Variants in BBOX1 observed in about 807,000 individuals in gnomAD.
The protein encoded by BBOX1 is gamma-butyrobetaine hydroxylase 1, also known as gamma-butyrobetaine dioxygenase.
BBOX1 carries 35 observed loss-of-function variants against 41.6 expected under a neutral mutation model. The ratio of observed to expected loss-of-function variants is 0.84; its 90% CI spans 0.64 to 1.11. The LOEUF is 1.11. BBOX1 is among the 50% of genes most tolerant of loss of function. The pLI is 0.00. For missense variants in BBOX1, 458 were observed against 460.6 expected, an observed-to-expected ratio of 0.99 and a Z score of 0.05; for synonymous variants, 163 against 154.7, an observed-to-expected ratio of 1.05 and a Z score of -0.40.
chr11:27,050,487 G>C (rs967713035), intron 2 of BBOX1, among the ~76,000 whole-genome samples: 3 of 152,106 alleles, frequency 2.0e-5, no homozygotes, highest in African/African-American at 7.2e-5. Flanking sequence ...CAAGAACACA[G>C]AGTATTGTTC....
intron 2 of BBOX1, among the ~76,000 whole-genome samples, chr11:27,049,002 G>T (rs1302370957): frequency 2.0e-5 from 3 of 148,824 alleles, no homozygotes; most frequent in African/African-American, 7.5e-5. Flanking sequence ...GCGGTGTTTG[G>T]TTTTTTGTTC....
chr11:27,065,094 A>T (rs1337208440), intron 4 of BBOX1, among the ~76,000 whole-genome samples: 1 of 152,134 alleles, frequency 6.6e-6, no homozygotes, highest in African/African-American at 2.4e-5. Context: ...TTCCCATTTA[A>T]AACTATAAAT....
intron 4 of BBOX1, among the ~76,000 whole-genome samples, chr11:27,091,471 T>C (rs1391223070): frequency 1.3e-5 from 2 of 151,898 alleles, no homozygotes; most frequent in African/African-American, 4.8e-5. Context: ...CCCCAAAATG[T>C]ATAATCATCC....
chr11:27,123,862 G>A (rs1859551787), intron 7 of BBOX1, among the ~76,000 whole-genome samples: 1 of 152,158 alleles, frequency 6.6e-6, no homozygotes, highest in African/African-American at 2.4e-5. Flanking sequence ...AGTCACATTT[G>A]TATTGTTATT....
At chr11:27,094,140 A>C (rs1019698053) in intron 5 of BBOX1, among the ~76,000 whole-genome samples, 2 of 152,040 alleles carry the variant, frequency 1.3e-5, no homozygotes, top group Non-Finnish European at 2.9e-5. Context: ...AGTAAGTAAC[A>C]GGGAGATATA....
In BBOX1 at chr11:27,055,746, T is replaced by C. The variant is rs12798621; in HGVS notation, c.219+97T>C. The C allele has an allele frequency of 1.4e-3, 1,715 of 1,191,074 alleles. 2 individuals carry two copies. Among genetic ancestry groups the C allele is most frequent in the Non-Finnish European group, 1.9e-3 (1,611 of 854,366 alleles). The allele number at this position is 1,191,074 out of a possible 1,614,324, so 73.8% of individuals were successfully genotyped here. ...TAACTCTTTTTTATTTGGTCACGCA[T>C]ATATAACCGCATATGAACCCACGTT... is the stretch of plus-strand genomic sequence containing the variant. On this transcript the variant is annotated intron_variant, in intron 3 of 8. Coordinates refer to ENST00000263182, the MANE Select transcript of BBOX1 (RefSeq NM_003986.3).
At chr11:27,096,299 T>A (rs1034038555) in intron 5 of BBOX1, among the ~76,000 whole-genome samples, 3 of 152,046 alleles carry the variant, frequency 2.0e-5, no homozygotes, top group Non-Finnish European at 4.4e-5. Flanking sequence ...CATATCTTTG[T>A]TTCTCCACTG....
At chr11:27,051,242 T>G (rs1695531768) in intron 2 of BBOX1, among the ~76,000 whole-genome samples, 1 of 152,098 alleles carries the variant, frequency 6.6e-6, no homozygotes, top group Non-Finnish European at 1.5e-5. Flanking sequence ...GCTAGTATTT[T>G]GTTAAAGATT....
intron 5 of BBOX1, among the ~76,000 whole-genome samples, chr11:27,111,915 T>C (rs1409591032): frequency 6.6e-6 from 1 of 151,912 alleles, no homozygotes; most frequent in African/African-American, 2.4e-5. Context: ...TTTGAAATCC[T>C]TGACGAATTA....
intron 4 of BBOX1, among the ~76,000 whole-genome samples, chr11:27,081,354 C>G (rs567524865): frequency 5.9e-5 from 9 of 152,222 alleles, no homozygotes; most frequent in African/African-American, 1.9e-4. Flanking sequence ...TGGTTTCCAG[C>G]TTCATCCATG....
chr11:27,056,684 A>T (rs1856989863), intron 3 of BBOX1, among the ~76,000 whole-genome samples: 1 of 152,160 alleles, frequency 6.6e-6, no homozygotes, highest in Admixed American at 6.5e-5. Flanking sequence ...TCCATGCTCT[A>T]TTTCTTGAGT....
intron 5 of BBOX1, among the ~76,000 whole-genome samples, chr11:27,107,156 C>A (rs1197092693): frequency 2.0e-5 from 3 of 152,010 alleles, no homozygotes; most frequent in Non-Finnish European, 4.4e-5. Context: ...AAAATTGACA[C>A]CCTAACATCA....
At chr11:27,056,980 C>T (rs902579679) in intron 3 of BBOX1, among the ~76,000 whole-genome samples, 11 of 143,378 alleles carry the variant, frequency 7.7e-5, no homozygotes, top group African/African-American at 2.6e-4. Flanking sequence ...GCAGGGGAAT[C>T]GCTGGAACCC....
At chr11:27,124,728 G>A (rs987579247) in intron 7 of BBOX1, among the ~76,000 whole-genome samples, 3 of 152,060 alleles carry the variant, frequency 2.0e-5, no homozygotes, top group African/African-American at 7.2e-5. Flanking sequence ...TGCCATGTTG[G>A]CCAGGCTGTC....
chr11:27,112,255 C>A (rs916744197), intron 5 of BBOX1, among the ~76,000 whole-genome samples: 3 of 151,898 alleles, frequency 2.0e-5, no homozygotes, highest in African/African-American at 4.8e-5. Context: ...AGTTTAAACA[C>A]AGTGTCCTTG....
intron 4 of BBOX1, among the ~76,000 whole-genome samples, chr11:27,088,050 T>C (rs550103017): frequency 2.0e-5 from 3 of 152,126 alleles, no homozygotes; most frequent in Admixed American, 1.3e-4. Context: ...TATAAATCTT[T>C]CTGTATTTTT....
At chr11:27,104,551 G>A (rs142913034) in intron 5 of BBOX1, among the ~76,000 whole-genome samples, 1 of 151,998 alleles carries the variant, frequency 6.6e-6, no homozygotes, top group East Asian at 1.9e-4. Context: ...ATATCTTTAG[G>A]TCTTGTGGAG....
At chr11:27,081,592 A>AATGGT (rs1194305432) in intron 4 of BBOX1, among the ~76,000 whole-genome samples, 1 of 152,124 alleles carries the variant, frequency 6.6e-6, no homozygotes, top group Non-Finnish European at 1.5e-5. Flanking sequence ...TGCTGGATCA[A>AATGGT]ATGGTATTTC....
intron 6 of BBOX1, among the ~76,000 whole-genome samples, chr11:27,118,499 T>C (rs1013031745): frequency 6.6e-6 from 1 of 152,034 alleles, no homozygotes; most frequent in Non-Finnish European, 1.5e-5. Flanking sequence ...GGGGCAGAGA[T>C]AAGGCACCAC....
Sources: allele counts gnomAD v4.1 joint callset (sites outside exome capture counted in the v4.1 genomes callset), GRCh38; gene constraint gnomAD v4.1.1; transcripts MANE v1.5; gene names NCBI Gene and HGNC (gene_info 2026-07-23, HGNC 2026-07-21).